RNGTT: variants seen among roughly 807,000 people sequenced by gnomAD.
RNGTT encodes mRNA-capping enzyme.
RNGTT carries 33 observed loss-of-function variants against 79.3 expected under a neutral mutation model. The observed-to-expected ratio is 0.42, with a 90% CI of 0.32 to 0.56. The LOEUF is 0.56. RNGTT is among the 20% of genes least tolerant of loss of function. The probability of loss-of-function intolerance (pLI) is 0.17; values close to 1 mark genes in which losing one functional copy is unlikely to be tolerated. For missense variants in RNGTT, 497 were observed against 739.1 expected (o/e 0.67, Z 3.80); for synonymous variants, 222 against 235.9 (o/e 0.94, Z 0.54).
intron 14 of RNGTT, among the ~76,000 whole-genome samples, chr6:88,624,335 A>G (rs1772546952): frequency 1.3e-5 from 2 of 151,930 alleles, no homozygotes; most frequent in African/African-American, 4.8e-5. Context: ...ACTTAGTATA[A>G]AGCTATAGTT....
intron 11 of RNGTT, among the ~76,000 whole-genome samples, chr6:88,835,413 T>C (rs1781030709): frequency 6.6e-6 from 1 of 152,138 alleles, no homozygotes; most frequent in Non-Finnish European, 1.5e-5. Context: ...AAAGACAACA[T>C]ACTATTTCAA....
chr6:88,949,005 A>G (rs1162599585), intron 1 of RNGTT, among the ~76,000 whole-genome samples: 1 of 112,060 alleles, frequency 8.9e-6, no homozygotes, highest in African/African-American at 3.5e-5. Flanking sequence ...GCCTAGGAAA[A>G]CCAGAGACCT....
chr6:88,898,707 GTA>G (rs1305829489), intron 6 of RNGTT, among the ~76,000 whole-genome samples: 1 of 149,762 alleles, frequency 6.7e-6, no homozygotes, highest in African/African-American at 2.4e-5. Context: ...TATCTCCCCA[GTA>G]TATATTCTTC....
At chr6:88,665,359 A>G (rs1774359312) in intron 14 of RNGTT, among the ~76,000 whole-genome samples, 1 of 152,162 alleles carries the variant, frequency 6.6e-6, no homozygotes, top group Admixed American at 6.5e-5. Flanking sequence ...GAAGGTATCC[A>G]GGTTCATCTT....
At chr6:88,801,461 A>G (rs555311322) in intron 12 of RNGTT, 103 bp downstream of exon 12, 36 of 801,414 alleles carry the variant, frequency 4.5e-5, no homozygotes, top group Non-Finnish European at 5.3e-5. Context: ...TCCCAAGTAA[A>G]TAAGTTTGAG....
At chr6:88,656,539 T>C (rs539009362) in intron 14 of RNGTT, among the ~76,000 whole-genome samples, 8 of 152,280 alleles carry the variant, frequency 5.3e-5, no homozygotes, top group South Asian at 4.1e-4. Context: ...TATTCACTTA[T>C]TATGGTTCAC....
intron 13 of RNGTT, among the ~76,000 whole-genome samples, chr6:88,758,287 A>C (rs1778087912): frequency 6.6e-6 from 1 of 152,214 alleles, no homozygotes; most frequent in Non-Finnish European, 1.5e-5. Context: ...CTGCTGTGAT[A>C]ATTGTAATTC....
intron 14 of RNGTT, 66 bp downstream of exon 14, chr6:88,678,286 CA>C: frequency 6.4e-7 from 1 of 1,559,702 alleles, no homozygotes. Flanking sequence ...TTATTATTAG[CA>C]AGGTTTTGAT....
At chr6:88,922,183 G>A (rs1208916160) in intron 4 of RNGTT, among the ~76,000 whole-genome samples, 2 of 151,946 alleles carry the variant, frequency 1.3e-5, no homozygotes, top group Non-Finnish European at 2.9e-5. Context: ...GGGACTACAG[G>A]CATGTGCCAC....
chr6:88,952,335 G>C (rs1350154197), intron 1 of RNGTT, among the ~76,000 whole-genome samples: 1 of 152,194 alleles, frequency 6.6e-6, no homozygotes, highest in East Asian at 1.9e-4. Flanking sequence ...TTCTCTACCT[G>C]CCCTGGTTGC....
At chr6:88,827,160 G>A (rs189642132) in intron 11 of RNGTT, among the ~76,000 whole-genome samples, 16 of 152,124 alleles carry the variant, frequency 1.1e-4, no homozygotes, top group South Asian at 4.2e-4. Flanking sequence ...TGCAGAAGGC[G>A]GTGATTTCTG....
chr6:88,675,038 C>T (rs887988507), intron 14 of RNGTT, among the ~76,000 whole-genome samples: 3 of 150,510 alleles, frequency 2.0e-5, no homozygotes, highest in Non-Finnish European at 2.9e-5. Flanking sequence ...GCAGAGGTTG[C>T]AGTGAGCCGA....
intron 8 of RNGTT, among the ~76,000 whole-genome samples, chr6:88,871,065 A>G (rs1782338151): frequency 6.6e-6 from 1 of 152,184 alleles, no homozygotes; most frequent in African/African-American, 2.4e-5. Context: ...TAATAAATAT[A>G]CTGGAGGATT....
intron 1 of RNGTT, among the ~76,000 whole-genome samples, chr6:88,943,188 G>A (rs1194287607): frequency 6.6e-6 from 1 of 152,086 alleles, no homozygotes; most frequent in African/African-American, 2.4e-5. Flanking sequence ...ACTGCCTACT[G>A]AACCTCTACT....
At chr6:88,652,134 T>C (rs1029829189) in intron 14 of RNGTT, among the ~76,000 whole-genome samples, 2 of 152,156 alleles carry the variant, frequency 1.3e-5, no homozygotes, top group Non-Finnish European at 2.9e-5. Flanking sequence ...ATTTCCTGAG[T>C]ACTGGAAATG....
chr6:88,659,126 G>A (rs1185045280), intron 14 of RNGTT, among the ~76,000 whole-genome samples: 2 of 152,188 alleles, frequency 1.3e-5, no homozygotes, highest in African/African-American at 4.8e-5. Flanking sequence ...GGATTACTCT[G>A]TGGGATAAAA....
intron 13 of RNGTT, among the ~76,000 whole-genome samples, chr6:88,698,289 A>ATT (rs1562202453): frequency 1.4e-4 from 17 of 124,474 alleles, no homozygotes; most frequent in African/African-American, 6.2e-4. Context: ...TTTCATATAT[A>ATT]TCATATATAT....
At chr6:88,679,337 C>T (rs1775001106) in intron 13 of RNGTT, among the ~76,000 whole-genome samples, 1 of 151,958 alleles carries the variant, frequency 6.6e-6, no homozygotes, top group Admixed American at 6.6e-5. Flanking sequence ...AGTGGGTACA[C>T]AAAGGGAGAA....
intron 11 of RNGTT, among the ~76,000 whole-genome samples, chr6:88,834,020 C>CA (rs1304862667): frequency 1.3e-5 from 2 of 151,162 alleles, no homozygotes; most frequent in Non-Finnish European, 2.9e-5. Context: ...GACTTCGTCT[C>CA]AAAAAAAAGA....
Sources: allele counts gnomAD v4.1 joint callset (sites outside exome capture counted in the v4.1 genomes callset), GRCh38; gene constraint gnomAD v4.1.1; transcripts MANE v1.5; gene names NCBI Gene and HGNC (gene_info 2026-07-23, HGNC 2026-07-21).